KSR2: variants seen among roughly 807,000 people sequenced by gnomAD.
KSR2 encodes kinase suppressor of ras 2.
A neutral mutation model predicts 107.8 loss-of-function variants in KSR2; 25 were observed. That is an observed-to-expected ratio of 0.23 (90% confidence interval 0.17 to 0.32). The LOEUF (loss-of-function observed/expected upper bound fraction) is 0.32. KSR2 is among the 10% of genes least tolerant of loss of function. The pLI is 1.00. For synonymous variants in KSR2, 480 were observed against 507.0 expected, an observed-to-expected ratio of 0.95 and a Z score of 0.71; for missense variants, 887 against 1,268.9, an observed-to-expected ratio of 0.70 and a Z score of 4.57.
intron 7 of KSR2, among the ~76,000 whole-genome samples, chr12:117,577,288 A>C (rs10850844): frequency 0.16 from 24,828 of 152,174 alleles, 2,756 homozygotes; most frequent in African/African-American, 0.32. Flanking sequence ...TAACTATTAC[A>C]TAAAGTTGAC....
chr12:117,607,654 A>AGGAG (rs1881350370), intron 5 of KSR2, among the ~76,000 whole-genome samples: 6 of 118,074 alleles, frequency 5.1e-5, no homozygotes. Flanking sequence ...GAGGGGAGGA[A>AGGAG]AGGAGAGGAG....
intron 3 of KSR2, among the ~76,000 whole-genome samples, chr12:117,786,675 G>A (rs1473110489): frequency 6.6e-6 from 1 of 151,400 alleles, no homozygotes; most frequent in Admixed American, 6.6e-5. Context: ...AATTAACTGG[G>A]CGTGGTGGTG....
intron 3 of KSR2, among the ~76,000 whole-genome samples, chr12:117,797,386 T>G (rs1230799532): frequency 6.6e-6 from 1 of 152,202 alleles, no homozygotes; most frequent in Non-Finnish European, 1.5e-5. Flanking sequence ...AGATGCAAAG[T>G]GTCACATCTT....
At chr12:117,944,844 T>C (rs953787292) in intron 1 of KSR2, among the ~76,000 whole-genome samples, 1 of 151,696 alleles carries the variant, frequency 6.6e-6, no homozygotes, top group Admixed American at 6.6e-5. Context: ...GGCAACAGAG[T>C]GAGACCCTGT....
Position 117,454,174 on chromosome 12 carries a change from G to A in KSR2, c.*13025C>T, listed in dbSNP as rs548965886. The A allele has an allele frequency of 3.9e-5, 6 of 152,298 alleles. No individual in the cohort carries two copies. The highest frequency in any genetic ancestry group is 2.1e-4 in the South Asian group (1 of 4,822). 9.4% of individuals were successfully genotyped at this position (152,298 alleles called of 1,614,324 possible). A position where few individuals can be genotyped will look rare whatever the true frequency, so the allele number is the denominator to read the frequency against. ...GCACCTACTGTGTGCCAGGTATTGCGTAACGTTATTGACATTCATTATTTC... is the reference window on the plus strand; with the variant it reads ...GCACCTACTGTGTGCCAGGTATTGCATAACGTTATTGACATTCATTATTTC... On this transcript the variant is annotated 3_prime_UTR_variant, in exon 20 of 20. Coordinates refer to ENST00000339824, the MANE Select transcript of KSR2 (RefSeq NM_173598.6).
At chr12:117,526,925 G>A (rs1875207944) in intron 13 of KSR2, 146 bp downstream of exon 13, 1 of 691,958 alleles carries the variant, frequency 1.4e-6, no homozygotes, top group South Asian at 1.7e-5. Flanking sequence ...CTTGCTAATT[G>A]TCCCAGAGTT....
chr12:117,550,339 G>A (rs1462659849), intron 9 of KSR2, among the ~76,000 whole-genome samples: 1 of 152,200 alleles, frequency 6.6e-6, no homozygotes, highest in Admixed American at 6.5e-5. Context: ...TTCCACTTCA[G>A]CCAGCTGAGC....
chr12:117,940,424 TATTTTGATTGTGAGGCACA>T (rs1432914183), intron 1 of KSR2, among the ~76,000 whole-genome samples: 5 of 152,210 alleles, frequency 3.3e-5, no homozygotes, highest in African/African-American at 9.6e-5. Flanking sequence ...GAAACCCACG[TATTTTGATTGTGAGGCACA>T]ATTTTGATTG....
At chr12:117,603,003 C>A (rs1013891594) in intron 5 of KSR2, among the ~76,000 whole-genome samples, 2 of 152,272 alleles carry the variant, frequency 1.3e-5, no homozygotes, top group African/African-American at 2.4e-5. Flanking sequence ...AAACAGCTGG[C>A]AAATTGAGGA....
intron 4 of KSR2, among the ~76,000 whole-genome samples, chr12:117,725,084 T>TCTCACACACA (rs1468780403): frequency 2.5e-5 from 3 of 121,590 alleles, no homozygotes; most frequent in African/African-American, 9.1e-5. Flanking sequence ...TCTCTCTCTC[T>TCTCACACACA]CACACACACA....
intron 4 of KSR2, among the ~76,000 whole-genome samples, chr12:117,699,190 C>G (rs1251456272): frequency 6.6e-6 from 1 of 152,192 alleles, no homozygotes; most frequent in Non-Finnish European, 1.5e-5. Flanking sequence ...TTAAGCCTAG[C>G]TCCTAAGGTA....
intron 4 of KSR2, among the ~76,000 whole-genome samples, chr12:117,744,109 C>T (rs1888314613): frequency 6.6e-6 from 1 of 152,160 alleles, no homozygotes; most frequent in South Asian, 2.1e-4. Flanking sequence ...AAGCCCCATC[C>T]ATCATGGCAT....
At chr12:117,820,489 C>T (rs372841461) in intron 3 of KSR2, among the ~76,000 whole-genome samples, 96 of 152,328 alleles carry the variant, frequency 6.3e-4, no homozygotes, top group South Asian at 5.2e-3. Context: ...GTAATAAATA[C>T]ATTTAAGCCT....
chr12:117,844,104 C>T lies in KSR2; in HGVS notation c.472+11324G>A, dbSNP rs139806555. 9.2e-4 allele frequency among the ~76,000 whole-genome samples: 140 copies of T among 152,144 alleles called. 1 individual carries two copies. Among genetic ancestry groups the T allele is most frequent in the Middle Eastern group, 3.4e-3 (1 of 294 alleles). On this transcript the variant is annotated intron_variant, in intron 3 of 19. Transcript: ENST00000339824. ...GGGATACTGTTCCAGAACTAGCAGC[C>T]TCCATTTCCTCCTCCTTGGGATGTG... is the stretch of plus-strand genomic sequence containing the variant.
rs116614729 is a variant in KSR2, at chr12:117,946,380, A to G, written c.180+21696T>C. The stretch of plus-strand genomic sequence containing the variant: ...AGAGAAAAAAACACACATTACCAAC[A>G]TCAAGAACGAAAAGAGGAGTATCAC... On this transcript the variant is annotated intron_variant, in intron 1 of 19. Coordinates refer to ENST00000339824, the MANE Select transcript of KSR2 (RefSeq NM_173598.6). Among the ~76,000 whole-genome samples the G allele has an allele frequency of 4.6e-3, 698 of 152,292 alleles. 6 individuals carry two copies. Among genetic ancestry groups the G allele is most frequent in the African/African-American group, 0.015 (642 of 41,566 alleles).
At chr12:117,786,770 C>T (rs1257472159) in intron 3 of KSR2, among the ~76,000 whole-genome samples, 3 of 152,084 alleles carry the variant, frequency 2.0e-5, no homozygotes, top group Admixed American at 6.5e-5. Flanking sequence ...GAAACGAGAT[C>T]GCACCATTGC....
At chr12:117,962,495 A>C (rs1896688164) in intron 1 of KSR2, among the ~76,000 whole-genome samples, 1 of 149,006 alleles carries the variant, frequency 6.7e-6, no homozygotes, top group South Asian at 2.1e-4. Flanking sequence ...CCCAGGCTGG[A>C]GTGCAATGGT....
intron 4 of KSR2, among the ~76,000 whole-genome samples, chr12:117,693,573 T>C (rs1407040227): frequency 6.6e-6 from 1 of 152,222 alleles, no homozygotes; most frequent in Non-Finnish European, 1.5e-5. Flanking sequence ...TAGACAATAG[T>C]CATGTCTGTG....
intron 3 of KSR2, among the ~76,000 whole-genome samples, chr12:117,831,397 C>T (rs1891959239): frequency 6.6e-6 from 1 of 152,186 alleles, no homozygotes; most frequent in Non-Finnish European, 1.5e-5. Flanking sequence ...TTCTTTGCCT[C>T]TTTGAGACCT....
Sources: gnomAD v4.1 joint callset for allele counts (sites outside exome capture counted in the v4.1 genomes callset) on GRCh38, gnomAD v4.1.1 for gene constraint, MANE v1.5 for transcripts, NCBI Gene and HGNC (gene_info 2026-07-23, HGNC 2026-07-21) for gene names.